The following RETREG1 variants were observed in gnomAD, a reference collection of about 807,000 sequenced individuals.
RETREG1 encodes reticulophagy regulator 1, also known as family with sequence similarity 134 member B.
In RETREG1, 44 loss-of-function variants were observed where a neutral mutation model predicts 54.8. The observed-to-expected ratio is 0.80, with a 90% confidence interval of 0.63 to 1.03. The LOEUF is 1.03. Among genes scored for constraint, RETREG1 ranks in the 50% least tolerant of loss-of-function variants. RETREG1 has a pLI of 0.00. For missense variants in RETREG1, 554 were observed against 605.1 expected (o/e 0.92, Z 0.89); for synonymous variants, 217 against 238.5 (o/e 0.91, Z 0.83).
chr5:16,504,322 G>A (rs1319215400), intron 3 of RETREG1, among the ~76,000 whole-genome samples: 1 of 152,192 alleles, frequency 6.6e-6, no homozygotes, highest in Non-Finnish European at 1.5e-5. Flanking sequence ...CATTTGGGTT[G>A]ATTCCATGTC....
intron 3 of RETREG1, among the ~76,000 whole-genome samples, chr5:16,550,425 A>C (rs186005131): frequency 0.011 from 1,670 of 152,308 alleles, 15 homozygotes; most frequent in Non-Finnish European, 0.016. Context: ...CAGCATCTGC[A>C]GTTACTTAAT....
Position 16,475,124 on chromosome 5 carries a change from T to G in RETREG1, c.1111A>C (p.Thr371Pro). 1 of 1,613,998 alleles carries G rather than the reference T, an allele frequency of 6.2e-7. No homozygotes were observed. Among genetic ancestry groups the G allele is most frequent in the Admixed American group, 1.7e-5 (1 of 59,954 alleles). ...DEDELSLGLP[T>P]ELKRKKEQLD... ...TGTTCCTTCTTTCTCTTGAGCTCAG[T>G]GGGCAAACCAAGGCTTAATTCATCT... The change falls in exon 9 of 9, where the codon ACT (threonine) becomes CCT (proline). Residue 371 changes from threonine to proline, a missense_variant. Coordinates refer to ENST00000306320, the MANE Select transcript of RETREG1 (RefSeq NM_001034850.3).
intron 1 of RETREG1, among the ~76,000 whole-genome samples, chr5:16,577,333 G>T (rs548915190): frequency 1.3e-5 from 2 of 149,060 alleles, no homozygotes; most frequent in Non-Finnish European, 3.0e-5. Context: ...AGGTGGTAGT[G>T]CCTGTTTCCA....
Position 16,492,017 on chromosome 5 carries a change from G to A in RETREG1, c.459-8545C>T, listed in dbSNP as rs182124603. Among the ~76,000 whole-genome samples, 75 of 152,204 alleles carry A rather than the reference G, an allele frequency of 4.9e-4. 1 individual carries two copies. Among genetic ancestry groups the A allele is most frequent in the Admixed American group, 4.5e-3 (69 of 15,288 alleles). Reference sequence around the variant, plus strand: ...CCCTGGATCCATGAGTATCTCCTGCGGGCACTGTTCCCACATGGCCCACCA... The same window carrying A: ...CCCTGGATCCATGAGTATCTCCTGCAGGCACTGTTCCCACATGGCCCACCA... On this transcript the variant is annotated intron_variant, in intron 3 of 8. Transcript: ENST00000306320.
At chr5:16,512,185 C>A (rs1306384348) in intron 3 of RETREG1, among the ~76,000 whole-genome samples, 2 of 152,156 alleles carry the variant, frequency 1.3e-5, no homozygotes, top group African/African-American at 4.8e-5. Context: ...TCACAGAATT[C>A]AGATGTGGGA....
chr5:16,507,249 TCAATA>T (rs1739995602), intron 3 of RETREG1, among the ~76,000 whole-genome samples: 2 of 152,192 alleles, frequency 1.3e-5, no homozygotes, highest in African/African-American at 4.8e-5. Flanking sequence ...AAATAGCTTA[TCAATA>T]CATTTCATTC....
intron 3 of RETREG1, among the ~76,000 whole-genome samples, chr5:16,500,278 C>T (rs535765300): frequency 6.6e-6 from 1 of 152,312 alleles, no homozygotes; most frequent in South Asian, 2.1e-4. Context: ...TAATGCATTG[C>T]TACATCCAGG....
At chr5:16,536,125 T>C (rs183596173) in intron 3 of RETREG1, among the ~76,000 whole-genome samples, 2 of 152,340 alleles carry the variant, frequency 1.3e-5, no homozygotes, top group East Asian at 3.9e-4. Flanking sequence ...GTCTGACCAG[T>C]CCTTTTATCT....
intron 1 of RETREG1, among the ~76,000 whole-genome samples, chr5:16,613,376 A>G (rs1269506442): frequency 1.3e-5 from 2 of 152,214 alleles, no homozygotes; most frequent in African/African-American, 4.8e-5. Context: ...AGGTTTAAGC[A>G]TGATCTCCTT....
chr5:16,610,138 G>C (rs960774693), intron 1 of RETREG1, among the ~76,000 whole-genome samples: 1 of 152,126 alleles, frequency 6.6e-6, no homozygotes, highest in Non-Finnish European at 1.5e-5. Context: ...GGCAGAGAAG[G>C]GGTGCTTGAC....
In RETREG1 at chr5:16,474,675, T is replaced by A; in HGVS notation, c.*66A>T. 6.4e-7 allele frequency: 1 copy of A among 1,552,768 alleles called. No individual in the cohort carries two copies. Among genetic ancestry groups the A allele is most frequent in the Non-Finnish European group, 8.6e-7 (1 of 1,156,714 alleles). ...GTTCAATTTTTTTCTTTTCCTTTTT[T>A]TTTTTTTTTTCTTGTTTGAAATTTT... On this transcript the variant is annotated 3_prime_UTR_variant, in exon 9 of 9. Coordinates refer to ENST00000306320, the MANE Select transcript of RETREG1 (RefSeq NM_001034850.3).
At position 16,541,815 on chromosome 5, in the gene RETREG1, G is replaced by A. The variant is rs114865743; in HGVS notation, c.458+23948C>T. ...AAGGAAGGAAAGGAAGGAAGGGGAA[G>A]GTAGGTCAGATAGAAAGAAATAACA... On this transcript the variant is annotated intron_variant, in intron 3 of 8. Transcript: ENST00000306320. Among the ~76,000 whole-genome samples, 633 of 144,360 alleles carry A rather than the reference G, an allele frequency of 4.4e-3. 1 individual carries two copies. The highest frequency in any genetic ancestry group is 0.012 in the Admixed American group (172 of 14,356). The allele number at this position is 144,360 out of a possible 152,430, so 94.7% of individuals were successfully genotyped here. A position where few individuals can be genotyped will look rare whatever the true frequency, so the allele number is the denominator to read the frequency against.
intron 3 of RETREG1, among the ~76,000 whole-genome samples, chr5:16,548,398 A>G (rs543277485): frequency 6.6e-6 from 1 of 152,350 alleles, no homozygotes; most frequent in African/African-American, 2.4e-5. Flanking sequence ...TGGTCCAATG[A>G]GGCTGAAAGA....
At chr5:16,502,770 T>A (rs1455412501) in intron 3 of RETREG1, among the ~76,000 whole-genome samples, 3 of 152,226 alleles carry the variant, frequency 2.0e-5, no homozygotes, top group Non-Finnish European at 4.4e-5. Context: ...ACGTTGTTTT[T>A]AAAATATATG....
chr5:16,524,407 A>G (rs1740634195), intron 3 of RETREG1, among the ~76,000 whole-genome samples: 1 of 152,118 alleles, frequency 6.6e-6, no homozygotes, highest in East Asian at 1.9e-4. Context: ...ACTAGTCCTT[A>G]CCTTTCATGT....
intron 3 of RETREG1, among the ~76,000 whole-genome samples, chr5:16,494,720 T>G (rs1225147061): frequency 1.3e-5 from 2 of 152,182 alleles, no homozygotes; most frequent in Non-Finnish European, 2.9e-5. Flanking sequence ...TTACCCAGTC[T>G]CTGGTATTTC....
chr5:16,591,586 TAG>T (rs1226275378), intron 1 of RETREG1, among the ~76,000 whole-genome samples: 1 of 152,192 alleles, frequency 6.6e-6, no homozygotes, highest in African/African-American at 2.4e-5. Context: ...ATGGCTTTGC[TAG>T]AAAGTGCTCC....
chr5:16,480,640 T>C (rs1177039628), intron 5 of RETREG1, among the ~76,000 whole-genome samples: 3 of 152,238 alleles, frequency 2.0e-5, no homozygotes, highest in Non-Finnish European at 2.9e-5. Context: ...TTTTAGCCAT[T>C]CTGGTAGGGA....
chr5:16,525,772 G>GA (rs33995259), intron 3 of RETREG1, among the ~76,000 whole-genome samples: 58,650 of 151,038 alleles, frequency 0.39, 12,053 homozygotes, highest in African/African-American at 0.53. Context: ...ACACAGAGAG[G>GA]GAGAGAGAGA....
Sources: allele counts gnomAD v4.1 joint callset (sites outside exome capture counted in the v4.1 genomes callset), GRCh38; gene constraint gnomAD v4.1.1; transcripts MANE v1.5; gene names NCBI Gene and HGNC (gene_info 2026-07-23, HGNC 2026-07-21).